MGAT4C: variants seen among roughly 807,000 people sequenced by gnomAD.
MGAT4C encodes the protein MGAT4 family member C, also known as alpha-1,3-mannosyl-glycoprotein 4-beta-N-acetylglucosaminyltransferase C.
In MGAT4C, 19 loss-of-function variants were observed where a neutral mutation model predicts 40.1. That is an observed-to-expected ratio of 0.47 (90% CI 0.33 to 0.70). The LOEUF is 0.70. MGAT4C is among the 30% of genes least tolerant of loss of function. The probability of loss-of-function intolerance (pLI) is 0.02; values close to 1 mark genes in which losing one functional copy is unlikely to be tolerated. For missense variants in MGAT4C, 491 were observed against 563.2 expected (o/e 0.87, Z 1.30); for synonymous variants, 181 against 187.1 (o/e 0.97, Z 0.27).
At chr12:86,629,009 C>G (rs1392989512) in intron 2 of MGAT4C, among the ~76,000 whole-genome samples, 1 of 151,862 alleles carries the variant, frequency 6.6e-6, no homozygotes, top group Non-Finnish European at 1.5e-5. Context: ...TCAGGAGACC[C>G]ATTTCATATG....
intron 3 of MGAT4C, among the ~76,000 whole-genome samples, chr12:86,433,718 G>A (rs745503857): frequency 6.6e-6 from 1 of 151,976 alleles, no homozygotes; most frequent in East Asian, 1.9e-4. Flanking sequence ...AGGGGAAAAC[G>A]GCATTGCTAA....
chr12:86,567,189 G>C (rs1960166107), intron 2 of MGAT4C, among the ~76,000 whole-genome samples: 1 of 152,000 alleles, frequency 6.6e-6, no homozygotes, highest in Admixed American at 6.6e-5. Context: ...TGAATCAAGG[G>C]GTAGAAGTCG....
chr12:86,736,820 C>T (rs1950992783), intron 1 of MGAT4C, among the ~76,000 whole-genome samples: 1 of 151,652 alleles, frequency 6.6e-6, no homozygotes, highest in African/African-American at 2.4e-5. Flanking sequence ...CACATTTATA[C>T]TTGAATATTC....
chr12:86,768,692 A>G (rs1951566249), intron 1 of MGAT4C, among the ~76,000 whole-genome samples: 1 of 152,184 alleles, frequency 6.6e-6, no homozygotes, highest in Admixed American at 6.5e-5. Context: ...GGAACAGAAT[A>G]GAGCCCTCAG....
chr12:86,806,909 A>G (rs10858489), intron 1 of MGAT4C, among the ~76,000 whole-genome samples: 96,322 of 151,518 alleles, frequency 0.64, 31,947 homozygotes, highest in Non-Finnish European at 0.72. Flanking sequence ...TAATGTGAAT[A>G]ACGAGTTAAT....
intron 2 of MGAT4C, among the ~76,000 whole-genome samples, chr12:86,510,047 C>G (rs531850581): frequency 2.0e-5 from 3 of 152,074 alleles, no homozygotes; most frequent in African/African-American, 7.2e-5. Flanking sequence ...ATTGAATACC[C>G]TTTATTTCCT....
chr12:86,245,907 T>C (rs1439748977), intron 1 of MGAT4C, among the ~76,000 whole-genome samples: 3 of 152,168 alleles, frequency 2.0e-5, no homozygotes, highest in Non-Finnish European at 2.9e-5. Flanking sequence ...CCAGAATAAA[T>C]AGCTCAATGT....
At position 86,222,779 on chromosome 12, in the gene MGAT4C, AC is replaced by A. The variant is rs1171122833; in HGVS notation, c.-57+33459del. Among the ~76,000 whole-genome samples the A allele has an allele frequency of 2.0e-5, 3 of 152,264 alleles. No homozygotes were observed. In the East Asian group the frequency reaches 5.8e-4, roughly 29 times the overall value. On this transcript the variant is annotated intron_variant, in intron 1 of 4. Coordinates refer to ENST00000611864, the MANE Select transcript of MGAT4C (RefSeq NM_001351288.2). ...TTTTGATCTGGCTATTTTAACTTGTACTCTTCTTTGTAGAGAAGGTTAATGT... is the reference window on the plus strand; with the variant it reads ...TTTTGATCTGGCTATTTTAACTTGTATCTTCTTTGTAGAGAAGGTTAATGT...
chr12:86,148,719 A>T (rs1290781352), intron 1 of MGAT4C, among the ~76,000 whole-genome samples: 2 of 152,316 alleles, frequency 1.3e-5, no homozygotes, highest in East Asian at 3.9e-4. Context: ...ATTCATAAAC[A>T]CTTTACCATT....
At chr12:86,272,972 T>C (rs1952986613) in intron 4 of MGAT4C, among the ~76,000 whole-genome samples, 1 of 152,196 alleles carries the variant, frequency 6.6e-6, no homozygotes, top group Non-Finnish European at 1.5e-5. Context: ...AACAGCAACA[T>C]AGCTCTTTTT....
chr12:86,368,191 A>C (rs1955644117), intron 3 of MGAT4C, among the ~76,000 whole-genome samples: 2 of 152,196 alleles, frequency 1.3e-5, no homozygotes, highest in Non-Finnish European at 2.9e-5. Flanking sequence ...ATATGTGATA[A>C]TATGCATATC....
chr12:85,996,928 T>C (rs1283170367), intron 2 of MGAT4C, among the ~76,000 whole-genome samples: 2 of 152,196 alleles, frequency 1.3e-5, no homozygotes, highest in Admixed American at 6.5e-5. Context: ...TCAAAAATAT[T>C]TAAAACACTA....
At chr12:86,632,741 A>T (rs1455761490) in intron 2 of MGAT4C, among the ~76,000 whole-genome samples, 2 of 145,118 alleles carry the variant, frequency 1.4e-5, no homozygotes, top group Admixed American at 1.4e-4. Flanking sequence ...GGAACATCAC[A>T]CACTGGGGCC....
chr12:86,037,009 T>C (rs1891303235), intron 2 of MGAT4C, among the ~76,000 whole-genome samples: 2 of 150,134 alleles, frequency 1.3e-5, no homozygotes, highest in African/African-American at 4.8e-5. Context: ...CTTCCTGGTT[T>C]AGTATTGGGA....
At chr12:86,714,707 A>G (rs769008262) in intron 2 of MGAT4C, among the ~76,000 whole-genome samples, 2 of 151,828 alleles carry the variant, frequency 1.3e-5, no homozygotes, top group Admixed American at 6.6e-5. Context: ...AGTCTCCAGT[A>G]TGTCTTTATC....
In MGAT4C at chr12:86,511,625, C is replaced by CA. The variant is rs377168772; in HGVS notation, c.-228-76361_-228-76360insT. On this transcript the variant is annotated intron_variant, in intron 2 of 7. Transcript: ENST00000548651. The stretch of plus-strand genomic sequence containing the variant: ...AATATACAGTCAACTGATCTTTGAT[C>CA]GGGGGCTAAGAATATACAATGGGGA... 3.3e-3 allele frequency among the ~76,000 whole-genome samples: 507 copies of CA among 152,020 alleles called. 1 individual carries two copies. The highest frequency in any genetic ancestry group is 0.012 in the African/African-American group (490 of 41,472).
intron 1 of MGAT4C, among the ~76,000 whole-genome samples, chr12:86,129,287 TTCAA>T (rs1880812245): frequency 6.6e-6 from 1 of 152,160 alleles, no homozygotes; most frequent in African/African-American, 2.4e-5. Context: ...AAGACAGTTA[TTCAA>T]TTAAGACATG....
intron 1 of MGAT4C, among the ~76,000 whole-genome samples, chr12:86,211,479 C>A (rs562571138): frequency 1.4e-5 from 2 of 145,344 alleles, no homozygotes; most frequent in Non-Finnish European, 3.0e-5. Flanking sequence ...CCCAGCTACT[C>A]GGGAGGCTGA....
intron 2 of MGAT4C, among the ~76,000 whole-genome samples, chr12:86,464,291 A>G (rs1279789599): frequency 1.3e-5 from 2 of 152,210 alleles, no homozygotes; most frequent in African/African-American, 2.4e-5. Flanking sequence ...CTAAAGTTAG[A>G]GGCAAACTGT....
Sources: allele counts gnomAD v4.1 joint callset (sites outside exome capture counted in the v4.1 genomes callset), GRCh38; gene constraint gnomAD v4.1.1; transcripts MANE v1.5; gene names NCBI Gene and HGNC (gene_info 2026-07-23, HGNC 2026-07-21).